STIL: variants seen among roughly 807,000 people sequenced by gnomAD.
STIL encodes SCL-interrupting locus protein.
A neutral mutation model predicts 110.1 loss-of-function variants in STIL; 55 were observed. The ratio of observed to expected loss-of-function variants is 0.50; its 90% CI spans 0.40 to 0.63. STIL has a LOEUF of 0.63. Ranked by LOEUF, STIL falls within the 20% of genes least tolerant of loss-of-function variation. The pLI is 0.00. For missense variants in STIL, 1,358 were observed against 1,530.0 expected (o/e 0.89, Z 1.87); for synonymous variants, 481 against 530.0 (o/e 0.91, Z 1.27).
At chr1:47,268,776 TA>T (rs1557719210) in intron 14 of STIL, among the ~76,000 whole-genome samples, 1,614 of 150,166 alleles carry the variant, frequency 0.011, 33 homozygotes, top group African/African-American at 0.037. Context: ...AATAAATAAA[TA>T]AATAAATAAA....
chr1:47,305,137 T>A lies in STIL; in HGVS notation c.45-141A>T, dbSNP rs9436428. 4,198 of 639,952 alleles carry A rather than the reference T, an allele frequency of 6.6e-3. 99 individuals carry two copies. The highest frequency in any genetic ancestry group is 0.056 in the African/African-American group (2,941 of 52,628). 39.6% of individuals were successfully genotyped at this position (639,952 alleles called of 1,614,324 possible). On this transcript the variant is annotated intron_variant, in intron 2 of 16. Transcript: ENST00000371877. Reference sequence around the variant, plus strand: ...TTTCAAAGAGTTTATATATATATATTTTTTTTGAGACAAAGTCTCACTCCA... The same window carrying A: ...TTTCAAAGAGTTTATATATATATATATTTTTTGAGACAAAGTCTCACTCCA...
At chr1:47,311,578 T>C (rs561977575) in intron 1 of STIL, among the ~76,000 whole-genome samples, 2 of 152,220 alleles carry the variant, frequency 1.3e-5, no homozygotes, top group Non-Finnish European at 2.9e-5. Context: ...TGAGCCACCA[T>C]GCCCAGATGT....
At chr1:47,289,955 A>C (rs6674285) in intron 8 of STIL, among the ~76,000 whole-genome samples, 28,387 of 149,866 alleles carry the variant, frequency 0.19, 3,523 homozygotes, top group Non-Finnish European at 0.27. Flanking sequence ...AAAAAAAAAA[A>C]AAAGGAATAA....
chr1:47,267,411 T>C (rs1175566699), intron 14 of STIL, among the ~76,000 whole-genome samples: 2 of 152,094 alleles, frequency 1.3e-5, no homozygotes, highest in Non-Finnish European at 2.9e-5. Flanking sequence ...GCTGAGGATA[T>C]AAATTACTTT....
At position 47,275,024 on chromosome 1, in the gene STIL, C is replaced by A. The variant is rs775658945; in HGVS notation, c.2218-2783G>T. Among the ~76,000 whole-genome samples the A allele has an allele frequency of 1.3e-5, 2 of 151,890 alleles. 1 individual carries two copies. The highest frequency in any genetic ancestry group is 3.9e-4 in the East Asian group (2 of 5,120). On this transcript the variant is annotated intron_variant, in intron 12 of 16. Transcript: ENST00000371877. ...AAAATTAGCCGGGCATGGTGGCACACGGCTGCAATCCCAGCTACTCAGGTG... is the reference window on the plus strand; with the variant it reads ...AAAATTAGCCGGGCATGGTGGCACAAGGCTGCAATCCCAGCTACTCAGGTG...
At chr1:47,257,962 A>G (rs937717618) in intron 16 of STIL, among the ~76,000 whole-genome samples, 3 of 152,232 alleles carry the variant, frequency 2.0e-5, no homozygotes, top group Non-Finnish European at 4.4e-5. Flanking sequence ...AGCTGGTAAT[A>G]ATACTTACTC....
intron 6 of STIL, 143 bp from the exon 7 acceptor site, chr1:47,295,991 T>C: frequency 1.6e-6 from 1 of 640,454 alleles, no homozygotes; most frequent in Non-Finnish European, 2.7e-6. Context: ...AAACAGAAAC[T>C]TTTTACTGAC....
At chr1:47,287,188 C>T (rs976940329) in intron 10 of STIL, among the ~76,000 whole-genome samples, 1 of 151,980 alleles carries the variant, frequency 6.6e-6, no homozygotes, top group Non-Finnish European at 1.5e-5. Context: ...TACAGCGAGA[C>T]CCCACCTTTA....
rs528393645 is a variant in STIL at position 47,292,630 on chromosome 1, G to T, written c.872+828C>A. ...AAAAAGCAACATAAAGAAAAGAAAG[G>T]ATGCTATGGTTTAATTTTTACAGGC... On this transcript the variant is annotated intron_variant, in intron 8 of 16. Coordinates refer to ENST00000371877, the MANE Select transcript of STIL (RefSeq NM_001048166.1). 3.3e-5 allele frequency among the ~76,000 whole-genome samples: 5 copies of T among 152,272 alleles called. No homozygotes were observed. The East Asian group carries it at 9.6e-4, about 29-fold the overall frequency.
At chr1:47,267,576 G>A (rs1320534502) in intron 14 of STIL, among the ~76,000 whole-genome samples, 2 of 150,652 alleles carry the variant, frequency 1.3e-5, no homozygotes, top group African/African-American at 4.9e-5. Flanking sequence ...GTGGTGGCCC[G>A]TGCCTGTAGT....
chr1:47,267,281 A>G (rs189957452), intron 14 of STIL, among the ~76,000 whole-genome samples: 11 of 152,304 alleles, frequency 7.2e-5, no homozygotes, highest in Admixed American at 6.5e-5. Context: ...TTTGCTGCTC[A>G]TGTGGTTAAA....
chr1:47,311,477 G>C (rs894515108), intron 1 of STIL, among the ~76,000 whole-genome samples: 3 of 151,388 alleles, frequency 2.0e-5, no homozygotes, highest in Non-Finnish European at 2.9e-5. Flanking sequence ...TGTAGAGATG[G>C]GGTTTCATCA....
intron 12 of STIL, among the ~76,000 whole-genome samples, chr1:47,275,436 G>A (rs1221021232): frequency 3.3e-5 from 5 of 151,548 alleles, no homozygotes; most frequent in Admixed American, 1.3e-4. Flanking sequence ...GTAAAACCCC[G>A]TCTCTACTAA....
chr1:47,275,452 C>T (rs1268476791), intron 12 of STIL, among the ~76,000 whole-genome samples: 1 of 151,550 alleles, frequency 6.6e-6, no homozygotes, highest in Non-Finnish European at 1.5e-5. Flanking sequence ...ACTAAAAATA[C>T]AAAAAATTAG....
chr1:47,307,076 A>AG (rs1318037216), intron 2 of STIL, among the ~76,000 whole-genome samples: 1 of 152,164 alleles, frequency 6.6e-6, no homozygotes, highest in African/African-American at 2.4e-5. Flanking sequence ...ACTTGAACCC[A>AG]GGGGGAAGAG....
At chr1:47,290,896 C>T (rs186532432) in intron 8 of STIL, among the ~76,000 whole-genome samples, 101 of 152,260 alleles carry the variant, frequency 6.6e-4, no homozygotes, top group African/African-American at 2.4e-3. Context: ...CTCTCCCCTT[C>T]CTTCACTCCT....
At position 47,251,605 on chromosome 1, in the gene STIL, C is replaced by T. The variant is rs759976756; in HGVS notation, c.3398G>A (p.Ser1133Asn). 5.6e-6 allele frequency: 9 copies of T among 1,613,766 alleles called. No homozygotes were observed. The African/African-American group carries it at 1.2e-4, about 22-fold the overall frequency. The change falls in exon 17 of 17, where the codon AGT (serine) becomes AAT (asparagine). Residue 1133 changes from serine (S) to asparagine (N), a missense_variant. By Grantham distance (46) the Ser-to-Asn change is conservative. Coordinates refer to ENST00000371877, the MANE Select transcript of STIL (RefSeq NM_001048166.1). ...TTCCTCTTCATCTTCACTATTGTCA[C>T]TGCTTTGTAGGAGTCCATATCTCTT... ...YMKRYGLLQS[S>N]DNSEDEEEPP...
chr1:47,270,999 G>A lies in STIL; in HGVS notation c.2383+1077C>T, dbSNP rs1350530081. Among the ~76,000 whole-genome samples the A allele has an allele frequency of 2.0e-5, 3 of 151,872 alleles. No homozygotes were observed. The East Asian group carries it at 5.8e-4, about 29-fold the overall frequency. ...CAGCCAATTTCTCAATCTTTATGAA[G>A]CACTTACACCTATCTTCAGAGCTAT... On this transcript the variant is annotated intron_variant, in intron 13 of 16. Transcript: ENST00000371877.
rs1231176174 is a variant in STIL at position 47,282,420 on chromosome 1, A to G, written c.1173T>C (p.His391=). 1.2e-6 allele frequency: 2 copies of G among 1,613,160 alleles called. No homozygotes were observed. The highest frequency in any genetic ancestry group is 1.7e-6 in the Non-Finnish European group (2 of 1,179,770). The change falls in exon 11 of 17, where the codon CAT becomes CAC. Residue 391 remains histidine (H), a synonymous_variant. Transcript: ENST00000371877. ...CATCTTCAACACCAGAGTCGTGATC[A>G]TGTATTGGCATCTTCCCAGAAGATA... ...QKLSSGKMPI[H]DHDSGVEDED...
Sources: gnomAD v4.1 joint callset for allele counts (sites outside exome capture counted in the v4.1 genomes callset) on GRCh38, gnomAD v4.1.1 for gene constraint, MANE v1.5 for transcripts, NCBI Gene and HGNC (gene_info 2026-07-23, HGNC 2026-07-21) for gene names.